SWI5: variants seen among roughly 807,000 people sequenced by gnomAD.
The protein encoded by SWI5 is SWI5 homologous recombination repair protein, also known as DNA repair protein SWI5 homolog.
Under a neutral mutation model 17.0 loss-of-function variants are expected in SWI5, and 12 were observed. The observed-to-expected ratio is 0.71, with a 90% CI of 0.45 to 1.14. SWI5 has a LOEUF of 1.14. Among genes scored for constraint, SWI5 ranks in the 50% most tolerant of loss-of-function variants. The pLI, the probability that SWI5 is intolerant of heterozygous loss-of-function variation, is 0.00. For synonymous variants in SWI5, 61 were observed against 64.0 expected, an observed-to-expected ratio of 0.95 and a Z score of 0.22; for missense variants, 158 against 162.2, an observed-to-expected ratio of 0.97 and a Z score of 0.14.
chr9:128,275,449 G>C (rs554986913), upstream of SWI5: 4 of 1,299,456 alleles, frequency 3.1e-6, no homozygotes, highest in South Asian at 1.1e-4. Context: ...GGTCCTTGGA[G>C]ACCCGAGACC....
intron 2 of SWI5, among the ~76,000 whole-genome samples, chr9:128,279,017 G>A (rs1399517750): frequency 6.6e-6 from 1 of 152,048 alleles, no homozygotes; most frequent in Admixed American, 6.6e-5. Flanking sequence ...TGATCCACCC[G>A]CCTCAGCCTC....
intron 2 of SWI5, among the ~76,000 whole-genome samples, chr9:128,282,371 C>T (rs926004744): frequency 1.3e-5 from 2 of 151,016 alleles, no homozygotes; most frequent in African/African-American, 4.9e-5. Context: ...TGGGCGACAA[C>T]GCGAGAACTG....
chr9:128,279,362 C>T (rs1187841322), intron 2 of SWI5, among the ~76,000 whole-genome samples: 4 of 152,062 alleles, frequency 2.6e-5, no homozygotes, highest in Non-Finnish European at 4.4e-5. Flanking sequence ...ACGTGGAGAC[C>T]GGTAGTGGCC....
chr9:128,275,462 A>G (rs750395937), upstream of SWI5: 174 of 1,298,604 alleles, frequency 1.3e-4, 1 homozygote, highest in African/African-American at 3.1e-5. Context: ...CCGAGACCAA[A>G]GAACCCCGGG....
chr9:128,276,494 C>G, intron 1 of SWI5, 92 bp downstream of exon 1: 2 of 1,577,208 alleles, frequency 1.3e-6, no homozygotes, highest in Non-Finnish European at 1.7e-6. Flanking sequence ...CCAAAGACTC[C>G]CATCCAGTGC....
intron 4 of SWI5, chr9:128,286,606 T>G (rs934284274): frequency 1.3e-5 from 2 of 153,008 alleles, no homozygotes; most frequent in Non-Finnish European, 2.9e-5. Context: ...AGCCAGTGAC[T>G]GCTGGGGTAG....
intron 4 of SWI5, among the ~76,000 whole-genome samples, chr9:128,287,046 C>G (rs1298697590): frequency 6.7e-6 from 1 of 149,282 alleles, no homozygotes; most frequent in Non-Finnish European, 1.5e-5. Flanking sequence ...GTGGCTGAGG[C>G]AGGAGACTCG....
chr9:128,284,578 A>T (rs1175055335), exon 3 of SWI5: 3 of 1,613,974 alleles, frequency 1.9e-6, no homozygotes, highest in Middle Eastern at 3.3e-4. Flanking sequence ...ACATTCAGAA[A>T]CTGAAGGAGA....
exon 2 of SWI5, chr9:128,276,720 C>T: frequency 6.2e-7 from 1 of 1,613,722 alleles, no homozygotes; most frequent in Non-Finnish European, 8.5e-7. Context: ...TGAACCAAGA[C>T]TTACCCGAAG....
At chr9:128,275,800 T>A (rs1435401046), upstream of SWI5, 4 of 688,640 alleles carry the variant, frequency 5.8e-6, no homozygotes, top group Non-Finnish European at 9.6e-6. Flanking sequence ...CCCAGCCCGG[T>A]GTGCCTCAGG....
At chr9:128,276,795 A>C in intron 2 of SWI5, 40 bp downstream of exon 2, 1 of 1,562,632 alleles carries the variant, frequency 6.4e-7, no homozygotes, top group Admixed American at 1.7e-5. Flanking sequence ...CCCATCCTCG[A>C]CCTTCCCTTG....
intron 2 of SWI5, among the ~76,000 whole-genome samples, chr9:128,280,531 C>A (rs1056042651): frequency 5.0e-5 from 7 of 139,570 alleles, no homozygotes; most frequent in South Asian, 2.3e-4. Flanking sequence ...AAAAAAAAAA[C>A]AAGAGTCTCG....
At chr9:128,277,108 C>A (rs1271067789) in intron 2 of SWI5, among the ~76,000 whole-genome samples, 1 of 152,116 alleles carries the variant, frequency 6.6e-6, no homozygotes, top group Non-Finnish European at 1.5e-5. Context: ...CATAGCTCCC[C>A]AGTCAGGAAA....
chr9:128,286,824 T>C (rs1391207905), intron 4 of SWI5, among the ~76,000 whole-genome samples: 1 of 150,678 alleles, frequency 6.6e-6, no homozygotes. Flanking sequence ...AAGATGGGGG[T>C]GTGAGGGGAG....
At chr9:128,276,719 A>T in exon 2 of SWI5, 8 of 1,613,122 alleles carry the variant, frequency 5.0e-6, no homozygotes, top group Non-Finnish European at 6.8e-6. Context: ...CTGAACCAAG[A>T]CTTACCCGAA....
upstream of SWI5, chr9:128,275,387 C>A: frequency 7.8e-7 from 1 of 1,282,766 alleles, no homozygotes; most frequent in African/African-American, 1.5e-5. Context: ...ATCAGCGCGA[C>A]GTCCAAGTCG....
At chr9:128,286,777 T>C (rs1026197735) in intron 4 of SWI5, among the ~76,000 whole-genome samples, 27 of 151,918 alleles carry the variant, frequency 1.8e-4, no homozygotes, top group African/African-American at 4.1e-4. Context: ...GTGGGAACTA[T>C]AGATGGATGA....
intron 2 of SWI5, among the ~76,000 whole-genome samples, chr9:128,279,089 G>A (rs1342485244): frequency 3.3e-5 from 5 of 152,070 alleles, no homozygotes; most frequent in South Asian, 2.1e-4. Flanking sequence ...ACTCTTAAGC[G>A]GTACCTTGGG....
chr9:128,286,218 G>A (rs1261621419), intron 4 of SWI5, 185 bp downstream of exon 4: 1 of 569,620 alleles, frequency 1.8e-6, no homozygotes, highest in Non-Finnish European at 3.2e-6. Flanking sequence ...ACCTAGGTTT[G>A]TTCCTCAAGT....
Sources: gnomAD v4.1 joint callset for allele counts (sites outside exome capture counted in the v4.1 genomes callset) on GRCh38, gnomAD v4.1.1 for gene constraint, MANE v1.5 for transcripts, NCBI Gene and HGNC (gene_info 2026-07-23, HGNC 2026-07-21) for gene names.